Variants in BUD23 observed in about 807,000 individuals in gnomAD.
BUD23 encodes the protein 18S rRNA (guanine-N(7))-methyltransferase.
BUD23 carries 34 observed loss-of-function variants against 47.0 expected under a neutral mutation model. That is an observed-to-expected ratio of 0.72 (90% confidence interval 0.55 to 0.96). The LOEUF (loss-of-function observed/expected upper bound fraction) is 0.96, where lower values mean the gene tolerates loss of function less well. Ranked by LOEUF, BUD23 falls within the 40% of genes least tolerant of loss-of-function variation. The pLI is 0.00. For synonymous variants in BUD23, 124 were observed against 132.0 expected, an observed-to-expected ratio of 0.94 and a Z score of 0.41; for missense variants, 343 against 361.2, an observed-to-expected ratio of 0.95 and a Z score of 0.41.
chr7:73,697,457 G>A, intron 10 of BUD23, 148 bp from the exon 11 acceptor site: 1 of 1,542,450 alleles, frequency 6.5e-7, no homozygotes, highest in Non-Finnish European at 8.7e-7. Context: ...GCGGGGAATT[G>A]TGTTATAGGG....
chr7:73,697,419 G>A (rs1554615014), intron 10 of BUD23, 186 bp from the exon 11 acceptor site: 6 of 1,536,268 alleles, frequency 3.9e-6, no homozygotes, highest in Non-Finnish European at 5.2e-6. Context: ...GGCCCGGATG[G>A]ATGTTATCAG....
intron 6 of BUD23, 132 bp from the exon 7 acceptor site, chr7:73,692,464 T>C: frequency 2.6e-6 from 2 of 778,720 alleles, no homozygotes; most frequent in South Asian, 2.0e-5. Flanking sequence ...GTTCATACTA[T>C]CCCCAGCCCT....
rs1490143895 is a variant in BUD23, at chr7:73,693,639, GTT to G, written c.615_616del (p.Ser206TrpfsTer12). 1 of 1,614,066 alleles carries G rather than the reference GTT, an allele frequency of 6.2e-7. No individual in the cohort carries two copies. Among genetic ancestry groups the G allele is most frequent in the East Asian group, 2.2e-5 (1 of 44,896 alleles). Reference protein sequence around the residue: ...AKAKKFYLCLFSGPSTFIPEG... With the variant: ...AKAKKFYLCLXSGPSTFIPEG... ...CTCCTTTCAGATTCTACCTCTGCTTGTTTTCTGGGCCTTCGACCTTTATACCA... is the reference window on the plus strand; with the variant it reads ...CTCCTTTCAGATTCTACCTCTGCTTGTTCTGGGCCTTCGACCTTTATACCA... On this transcript the variant is annotated frameshift_variant, in exon 9 of 12. Transcript: ENST00000265758. LOFTEE classifies it high-confidence loss of function.
intron 2 of BUD23, among the ~76,000 whole-genome samples, chr7:73,685,772 A>G (rs1797942664): frequency 1.3e-5 from 2 of 151,910 alleles, no homozygotes; most frequent in Admixed American, 1.3e-4. Flanking sequence ...TAATGGAAAT[A>G]CGTTATTAAA....
At chr7:73,694,103 T>C in intron 10 of BUD23, 53 bp downstream of exon 10, 2 of 1,572,198 alleles carry the variant, frequency 1.3e-6, no homozygotes, top group Non-Finnish European at 1.7e-6. Flanking sequence ...GCCACATTTG[T>C]TAGACATGGA....
At chr7:73,687,262 A>C (rs1178877291) in intron 5 of BUD23, among the ~76,000 whole-genome samples, 167 bp downstream of exon 5, 3 of 152,002 alleles carry the variant, frequency 2.0e-5, no homozygotes, top group African/African-American at 7.2e-5. Context: ...CTACAGGCCC[A>C]CACCACCGTA....
chr7:73,694,129 C>T, intron 10 of BUD23, 79 bp downstream of exon 10: 1 of 1,461,600 alleles, frequency 6.8e-7, no homozygotes, highest in East Asian at 2.3e-5. Flanking sequence ...TCTCTGCCCT[C>T]ACCCAAGCCT....
chr7:73,691,842 C>T (rs1554614070), intron 6 of BUD23, among the ~76,000 whole-genome samples: 1 of 151,994 alleles, frequency 6.6e-6, no homozygotes, highest in African/African-American at 2.4e-5. Flanking sequence ...TGGCTTCAAG[C>T]AATTGTCTGG....
intron 6 of BUD23, 100 bp downstream of exon 6, chr7:73,691,112 A>G (rs1798178500): frequency 1.9e-6 from 2 of 1,040,472 alleles, no homozygotes; most frequent in East Asian, 2.4e-5. Flanking sequence ...TGGGTAAGCT[A>G]CTCATATGGG....
chr7:73,687,082 G>A lies in BUD23; in HGVS notation c.349G>A (p.Asp117Asn). 1 of 1,613,656 alleles carries A rather than the reference G, an allele frequency of 6.2e-7. No individual in the cohort carries two copies. The highest frequency in any genetic ancestry group is 1.7e-5 in the Admixed American group (1 of 60,006). The change falls in exon 5 of 12, where the codon GAT becomes AAT. Residue 117 changes from aspartate (D) to asparagine (N), a missense_variant. Transcript: ENST00000265758. ...QGIPFKPGTFDGCISISAVQW... is the reference protein window; with the variant it reads ...QGIPFKPGTFNGCISISAVQW... ...CATCCCATTCAAGCCAGGCACATTT[G>A]ATGGTTGCATCAGGTGAGGGTCTTT... is the stretch of plus-strand genomic sequence containing the variant.
chr7:73,696,004 A>T (rs1296271213), intron 10 of BUD23: 1 of 152,236 alleles, frequency 6.6e-6, no homozygotes, highest in Non-Finnish European at 1.5e-5. Flanking sequence ...GACATTAAAA[A>T]TAGTGTCTTG....
Position 73,690,977 on chromosome 7 carries a change from C to G in BUD23, c.424C>G (p.Leu142Val). ...NKKSENPAKRLYCFFASLFSV... is the reference protein window; with the variant it reads ...NKKSENPAKRVYCFFASLFSV... ...GAAGTCTGAAAACCCTGCCAAGCGC[C>G]TGTACTGCTTTTTTGCTTCTCTTTT... Residue 142 changes from leucine to valine, a missense_variant, in exon 6 of 12, where the codon CTG becomes GTG. By Grantham distance (32) the Leu-to-Val change is conservative (BLOSUM62 1). Coordinates refer to ENST00000265758, the MANE Select transcript of BUD23 (RefSeq NM_017528.5). The G allele has an allele frequency of 1.2e-6, 2 of 1,614,200 alleles. No homozygotes were observed. Among genetic ancestry groups the G allele is most frequent in the Non-Finnish European group, 1.7e-6 (2 of 1,180,042 alleles).
At chr7:73,685,314 T>C (rs1797920906) in intron 2 of BUD23, among the ~76,000 whole-genome samples, 1 of 152,114 alleles carries the variant, frequency 6.6e-6, no homozygotes. Flanking sequence ...ATACTGTTTC[T>C]TTTTTTTAGG....
intron 1 of BUD23, 31 bp downstream of exon 1, chr7:73,683,704 C>A: frequency 6.2e-7 from 1 of 1,614,010 alleles, no homozygotes; most frequent in Non-Finnish European, 8.5e-7. Flanking sequence ...ACACCCCTCT[C>A]CCCACTTCTG....
At chr7:73,691,999 C>A (rs1189751379) in intron 6 of BUD23, among the ~76,000 whole-genome samples, 1 of 152,110 alleles carries the variant, frequency 6.6e-6, no homozygotes, top group Non-Finnish European at 1.5e-5. Context: ...CTGCACCTGC[C>A]GATCTGGCCA....
At chr7:73,692,691 A>T (rs782114745) in intron 7 of BUD23, 45 bp downstream of exon 7, 2 of 1,581,104 alleles carry the variant, frequency 1.3e-6, no homozygotes, top group East Asian at 4.5e-5. Context: ...TGGGGGACTC[A>T]ACAGGTAAGC....
intron 8 of BUD23, 76 bp from the exon 9 acceptor site, chr7:73,693,548 G>A (rs1210234416): frequency 6.7e-5 from 107 of 1,603,854 alleles, no homozygotes; most frequent in South Asian, 8.8e-5. Flanking sequence ...GAGGGGGTGC[G>A]GGTGGGGGAG....
At chr7:73,695,283 G>A (rs1160020320) in intron 10 of BUD23, 1 of 142,790 alleles carries the variant, frequency 7.0e-6, no homozygotes, top group Non-Finnish European at 1.5e-5. Flanking sequence ...TTGAGATGGA[G>A]TCTCACTCTT....
intron 5 of BUD23, among the ~76,000 whole-genome samples, chr7:73,689,308 A>G (rs1798097775): frequency 6.6e-6 from 1 of 151,648 alleles, no homozygotes; most frequent in Non-Finnish European, 1.5e-5. Context: ...CAACCTTCCA[A>G]AGTGTTGGGA....
Sources: gnomAD v4.1 joint callset for allele counts (sites outside exome capture counted in the v4.1 genomes callset) on GRCh38, gnomAD v4.1.1 for gene constraint, MANE v1.5 for transcripts, NCBI Gene and HGNC (gene_info 2026-07-23, HGNC 2026-07-21) for gene names.